Variants in PTPRM observed in about 807,000 individuals in gnomAD.
PTPRM encodes receptor-type tyrosine-protein phosphatase mu.
PTPRM carries 47 observed loss-of-function variants against 186.7 expected under a neutral mutation model. That is an observed-to-expected ratio of 0.25 (90% CI 0.20 to 0.32). The LOEUF is 0.32. PTPRM is among the 10% of genes least tolerant of loss of function. PTPRM has a pLI of 1.00. For synonymous variants in PTPRM, 668 were observed against 674.9 expected (o/e 0.99, Z 0.16); for missense variants, 1,494 against 1,865.0 (o/e 0.80, Z 3.66).
At chr18:8,285,917 G>A (rs1245302990) in intron 19 of PTPRM, among the ~76,000 whole-genome samples, 2 of 152,136 alleles carry the variant, frequency 1.3e-5, no homozygotes, top group Admixed American at 6.5e-5. Flanking sequence ...ACTTGAGCTC[G>A]GGGTCAAGGG....
intron 22 of PTPRM, among the ~76,000 whole-genome samples, chr18:8,324,959 T>C (rs1464416639): frequency 6.6e-6 from 1 of 152,210 alleles, no homozygotes; most frequent in Non-Finnish European, 1.5e-5. Context: ...ATGCCATGTA[T>C]GCGTGACCTG....
intron 5 of PTPRM, among the ~76,000 whole-genome samples, chr18:7,935,166 A>G (rs2051726961): frequency 6.6e-6 from 1 of 152,232 alleles, no homozygotes; most frequent in Non-Finnish European, 1.5e-5. Context: ...TGCCATATAT[A>G]TTAAAGCAGA....
At position 7,648,359 on chromosome 18, in the gene PTPRM, A is replaced by G. The variant is rs189902911; in HGVS notation, c.73+80468A>G. ...AAATTAGGACAATTAATAACCCCAC[A>G]GTGGCCTCTAAGTGTTTAAGAGAAA... On this transcript the variant is annotated intron_variant, in intron 1 of 32. Coordinates refer to ENST00000580170, the MANE Select transcript of PTPRM (RefSeq NM_001105244.2). Among the ~76,000 whole-genome samples the G allele has an allele frequency of 8.9e-3, 1,358 of 152,258 alleles. 6 individuals carry two copies. Among genetic ancestry groups the G allele is most frequent in the Middle Eastern group, 0.017 (5 of 294 alleles).
At chr18:8,280,534 G>A (rs541372582) in intron 19 of PTPRM, among the ~76,000 whole-genome samples, 1 of 152,274 alleles carries the variant, frequency 6.6e-6, no homozygotes, top group Non-Finnish European at 1.5e-5. Context: ...AGCCTCATTG[G>A]TGGGTCCCCT....
In PTPRM at chr18:8,208,142, G is replaced by A. The variant is rs114016867; in HGVS notation, c.2301-35916G>A. ...GTAAGCTGAGCTCTTTCAGACTCCT[G>A]CAGGCCTTGGCCTGATGCGTGCTCT... On this transcript the variant is annotated intron_variant, in intron 14 of 32. Transcript: ENST00000580170. 3.6e-3 allele frequency among the ~76,000 whole-genome samples: 553 copies of A among 152,312 alleles called. 5 individuals carry two copies. The highest frequency in any genetic ancestry group is 0.013 in the African/African-American group (523 of 41,566).
intron 14 of PTPRM, among the ~76,000 whole-genome samples, chr18:8,241,574 T>G (rs2094435169): frequency 2.0e-5 from 3 of 152,178 alleles, no homozygotes; most frequent in Admixed American, 1.3e-4. Context: ...GGGTCTAGTT[T>G]CTCCTGAAAC....
At chr18:8,105,457 A>C (rs992521267) in intron 11 of PTPRM, among the ~76,000 whole-genome samples, 2 of 152,224 alleles carry the variant, frequency 1.3e-5, no homozygotes, top group African/African-American at 4.8e-5. Flanking sequence ...AAGAAGCTTT[A>C]AAAATGGCAG....
intron 23 of PTPRM, among the ~76,000 whole-genome samples, chr18:8,357,876 A>G (rs34210604): frequency 0.36 from 54,119 of 151,730 alleles, 9,650 homozygotes; most frequent in Non-Finnish European, 0.37. Context: ...ATATGAGACT[A>G]AAAGAAACAC....
At chr18:8,355,539 C>G (rs753902386) in intron 23 of PTPRM, among the ~76,000 whole-genome samples, 13 of 151,956 alleles carry the variant, frequency 8.6e-5, no homozygotes, top group Non-Finnish European at 1.5e-4. Flanking sequence ...ACAGAGAGCC[C>G]CAAAGGATTT....
chr18:7,897,924 C>T (rs904206680), intron 3 of PTPRM, among the ~76,000 whole-genome samples: 15 of 152,142 alleles, frequency 9.9e-5, no homozygotes, highest in African/African-American at 3.6e-4. Flanking sequence ...GTAGGAAAAA[C>T]AGGTGAAGAC....
intron 2 of PTPRM, chr18:7,814,717 T>C (rs1020788922): frequency 6.6e-6 from 1 of 152,356 alleles, no homozygotes; most frequent in Non-Finnish European, 1.5e-5. Flanking sequence ...ATCCAGAAAG[T>C]TAGCAGTTCC....
chr18:7,778,178 G>T (rs1038882857), intron 2 of PTPRM, among the ~76,000 whole-genome samples: 2 of 152,206 alleles, frequency 1.3e-5, no homozygotes, highest in Non-Finnish European at 2.9e-5. Context: ...TTAAAATGCA[G>T]TTTGGAGTTT....
At chr18:8,136,288 G>T (rs1251487868) in intron 13 of PTPRM, among the ~76,000 whole-genome samples, 1 of 152,120 alleles carries the variant, frequency 6.6e-6, no homozygotes, top group Non-Finnish European at 1.5e-5. Context: ...ACTTGATAAT[G>T]ATTTGAGAAA....
At chr18:7,860,888 C>T (rs758680923) in intron 2 of PTPRM, among the ~76,000 whole-genome samples, 3 of 152,204 alleles carry the variant, frequency 2.0e-5, no homozygotes, top group Non-Finnish European at 2.9e-5. Flanking sequence ...TCTGCTCCTA[C>T]CATTTCAAAT....
chr18:7,912,893 A>T (rs769265138), intron 4 of PTPRM, among the ~76,000 whole-genome samples: 15 of 152,146 alleles, frequency 9.9e-5, no homozygotes, highest in Non-Finnish European at 2.9e-5. Context: ...TGGGATATTG[A>T]TAGGGATTGT....
rs536329168 is a variant in PTPRM at position 8,236,332 on chromosome 18, T to C, written c.2301-7726T>C. Reference sequence around the variant, plus strand: ...TATCCTTATGTAATGCTTTTCTTTATCCCTGGTAATTGTTTTTGCTCTAAA... The same window carrying C: ...TATCCTTATGTAATGCTTTTCTTTACCCCTGGTAATTGTTTTTGCTCTAAA... On this transcript the variant is annotated intron_variant, in intron 14 of 32. Coordinates refer to ENST00000580170, the MANE Select transcript of PTPRM (RefSeq NM_001105244.2). 2.0e-5 allele frequency among the ~76,000 whole-genome samples: 3 copies of C among 152,346 alleles called. No individual in the cohort carries two copies. The South Asian group carries it at 6.2e-4, about 32-fold the overall frequency.
At chr18:8,284,871 A>G (rs1392789757) in intron 19 of PTPRM, among the ~76,000 whole-genome samples, 5 of 152,264 alleles carry the variant, frequency 3.3e-5, no homozygotes, top group African/African-American at 1.2e-4. Context: ...TTTAAAAAAC[A>G]TATTCAAGAA....
At chr18:7,757,773 T>C (rs1031175954) in intron 1 of PTPRM, among the ~76,000 whole-genome samples, 1 of 152,088 alleles carries the variant, frequency 6.6e-6, no homozygotes, top group East Asian at 1.9e-4. Flanking sequence ...AGGTGAGAAG[T>C]GTCTCCAGGT....
chr18:7,898,397 G>C (rs1317583286), intron 3 of PTPRM, among the ~76,000 whole-genome samples: 1 of 152,200 alleles, frequency 6.6e-6, no homozygotes, highest in East Asian at 1.9e-4. Flanking sequence ...GCAAGGAAAA[G>C]TGGCAGCATG....
Sources: gnomAD v4.1 joint callset for allele counts (sites outside exome capture counted in the v4.1 genomes callset) on GRCh38, gnomAD v4.1.1 for gene constraint, MANE v1.5 for transcripts, NCBI Gene and HGNC (gene_info 2026-07-23, HGNC 2026-07-21) for gene names.